KCNMA1: variants seen among roughly 807,000 people sequenced by gnomAD.
KCNMA1 encodes the protein potassium calcium-activated channel subfamily M alpha 1.
KCNMA1 carries 29 observed loss-of-function variants against 140.0 expected under a neutral mutation model. The observed-to-expected ratio is 0.21, with a 90% CI of 0.15 to 0.28. The LOEUF (loss-of-function observed/expected upper bound fraction) is 0.28. Ranked by LOEUF, KCNMA1 falls within the 10% of genes least tolerant of loss-of-function variation. KCNMA1 has a pLI of 1.00. For missense variants in KCNMA1, 880 were observed against 1,602.2 expected, an observed-to-expected ratio of 0.55 and a Z score of 7.70; for synonymous variants, 612 against 611.9, an observed-to-expected ratio of 1.00 and a Z score of 0.00.
chr10:76,961,917 G>A (rs556415504), intron 20 of KCNMA1, among the ~76,000 whole-genome samples: 4 of 152,316 alleles, frequency 2.6e-5, no homozygotes, highest in Non-Finnish European at 5.9e-5. Context: ...TATTCACTTT[G>A]TTGTGGTGGT....
intron 1 of KCNMA1, among the ~76,000 whole-genome samples, chr10:77,429,250 G>A (rs1206512370): frequency 6.6e-6 from 1 of 152,278 alleles, no homozygotes; most frequent in East Asian, 1.9e-4. Context: ...GAACAGAAGG[G>A]GGTTTTAAGT....
intron 1 of KCNMA1, among the ~76,000 whole-genome samples, chr10:77,430,259 A>C (rs1420752439): frequency 2.6e-5 from 4 of 152,170 alleles, no homozygotes; most frequent in African/African-American, 7.2e-5. Flanking sequence ...TGCCCACCTC[A>C]AGACAAATGC....
chr10:77,430,435 C>T (rs1263306965), intron 1 of KCNMA1, among the ~76,000 whole-genome samples: 1 of 152,196 alleles, frequency 6.6e-6, no homozygotes, highest in Non-Finnish European at 1.5e-5. Flanking sequence ...GGAAAAAGCA[C>T]AGGCCACAGA....
At chr10:77,089,665 G>A (rs2096770668) in intron 10 of KCNMA1, among the ~76,000 whole-genome samples, 1 of 152,092 alleles carries the variant, frequency 6.6e-6, no homozygotes. Context: ...CTTACTGCAC[G>A]CCTGACTCTG....
intron 23 of KCNMA1, among the ~76,000 whole-genome samples, chr10:76,919,787 T>C (rs886506076): frequency 8.6e-5 from 13 of 151,924 alleles, no homozygotes; most frequent in African/African-American, 1.5e-4. Context: ...AAACATTTAG[T>C]ACAATATCTG....
intron 2 of KCNMA1, among the ~76,000 whole-genome samples, chr10:77,392,605 A>G (rs2095873524): frequency 6.6e-6 from 1 of 152,250 alleles, no homozygotes; most frequent in Non-Finnish European, 1.5e-5. Context: ...TGTCCAGCAC[A>G]TTGAACAGTA....
At chr10:77,017,560 A>G (rs11001973) in intron 17 of KCNMA1, among the ~76,000 whole-genome samples, 67,646 of 151,990 alleles carry the variant, frequency 0.45, 15,659 homozygotes, top group Middle Eastern at 0.66. Flanking sequence ...TTATTAGAGC[A>G]CTCAGTTTAA....
chr10:76,907,700 A>C (rs1409228804), intron 25 of KCNMA1, among the ~76,000 whole-genome samples: 1 of 151,982 alleles, frequency 6.6e-6, no homozygotes, highest in African/African-American at 2.4e-5. Flanking sequence ...CACCACACCC[A>C]GCTAATTTTT....
chr10:77,342,226 A>C (rs1453517987), intron 2 of KCNMA1, among the ~76,000 whole-genome samples: 3 of 152,262 alleles, frequency 2.0e-5, no homozygotes, highest in Non-Finnish European at 4.4e-5. Context: ...CAGCAATAAT[A>C]ACAGCAACAG....
At chr10:77,588,495 G>GGT (rs2077964164) in intron 1 of KCNMA1, among the ~76,000 whole-genome samples, 1 of 152,174 alleles carries the variant, frequency 6.6e-6, no homozygotes, top group South Asian at 2.1e-4. Flanking sequence ...ATGAATGACA[G>GGT]GTGTTTACTT....
intron 1 of KCNMA1, among the ~76,000 whole-genome samples, chr10:77,605,830 C>T (rs1402352559): frequency 6.6e-6 from 1 of 152,240 alleles, no homozygotes; most frequent in East Asian, 1.9e-4. Flanking sequence ...ATCCTTTACA[C>T]ACAACTGCAC....
At chr10:77,291,506 C>T (rs914656553) in intron 2 of KCNMA1, among the ~76,000 whole-genome samples, 3 of 152,104 alleles carry the variant, frequency 2.0e-5, no homozygotes, top group African/African-American at 4.8e-5. Flanking sequence ...ACACAGAAAA[C>T]GCTTAAAGGA....
intron 12 of KCNMA1, among the ~76,000 whole-genome samples, chr10:77,082,002 CTTTTCTTTTTTT>C (rs1419022234): frequency 2.7e-4 from 14 of 51,688 alleles, no homozygotes; most frequent in Admixed American, 4.7e-4. Flanking sequence ...TTCTTTTTTT[CTTTTCTTTTTTT>C]TTTTTTTTTT....
At chr10:77,076,523 G>A (rs1196142395) in intron 13 of KCNMA1, among the ~76,000 whole-genome samples, 1 of 152,156 alleles carries the variant, frequency 6.6e-6, no homozygotes, top group Non-Finnish European at 1.5e-5. Flanking sequence ...TCAATGGGCT[G>A]TGGCTCCATT....
intron 2 of KCNMA1, among the ~76,000 whole-genome samples, chr10:77,318,407 T>C (rs879761851): frequency 6.6e-6 from 1 of 152,166 alleles, no homozygotes; most frequent in African/African-American, 2.4e-5. Context: ...CTGAAGCTCA[T>C]GCCGCCATGG....
rs114256995 is a variant in KCNMA1, at chr10:77,029,505, C to T, written c.1860-1614G>A. 5.7e-3 allele frequency among the ~76,000 whole-genome samples: 862 copies of T among 152,132 alleles called. 12 individuals are homozygous for T. The highest frequency in any genetic ancestry group is 0.02 in the African/African-American group (836 of 41,488). On this transcript the variant is annotated intron_variant, in intron 15 of 27. Transcript: ENST00000286628. The stretch of plus-strand genomic sequence containing the variant: ...CTCTAGCTAATACCTGGCAGGATAC[C>T]CTACATCTTGATCTCCAGTGAAGCC...
In KCNMA1 at chr10:77,110,200, G is replaced by A; in HGVS notation, c.1104C>T (p.Phe368=). 1 of 1,614,030 alleles carries A rather than the reference G, an allele frequency of 6.2e-7. No individual in the cohort carries two copies. The highest frequency in any genetic ancestry group is 8.5e-7 in the Non-Finnish European group (1 of 1,179,968). The part of the protein sequence containing the change: ...VYAKTTLGRL[F]MVFFILGGLA... ...GTCCCCCGAGGATGAAGAAGACCAT[G>A]AAGAGGCGCCCAAGTGTGGTTTTTG... Residue 368 remains phenylalanine, a synonymous_variant, in exon 8 of 28, where the codon TTC becomes TTT. Transcript: ENST00000286628.
intron 1 of KCNMA1, among the ~76,000 whole-genome samples, chr10:77,475,175 G>A (rs1289712255): frequency 6.6e-6 from 1 of 152,192 alleles, no homozygotes; most frequent in African/African-American, 2.4e-5. Context: ...TTGTGTACCA[G>A]TGAAAGTCTA....
intron 3 of KCNMA1, among the ~76,000 whole-genome samples, chr10:77,226,120 A>T (rs558015987): frequency 5.9e-5 from 9 of 152,268 alleles, no homozygotes; most frequent in African/African-American, 1.7e-4. Flanking sequence ...CTCTTTTGAA[A>T]TGCCAAATAA....
Sources: allele counts gnomAD v4.1 joint callset (sites outside exome capture counted in the v4.1 genomes callset), GRCh38; gene constraint gnomAD v4.1.1; transcripts MANE v1.5; gene names NCBI Gene and HGNC (gene_info 2026-07-23, HGNC 2026-07-21).